The following HYCC2 variants were observed in gnomAD, a reference collection of about 807,000 sequenced individuals.
The protein encoded by HYCC2 is hyccin PI4KA lipid kinase complex subunit 2.
chr2:201,037,600 T>C, the HYCC2 span, among the ~76,000 whole-genome samples: 6 of 152,240 alleles, frequency 3.9e-5, no homozygotes, highest in South Asian at 2.1e-4. Flanking sequence ...TATCTACAAC[T>C]ATCTGATCTT....
At chr2:201,060,054 C>CGG in the HYCC2 span, among the ~76,000 whole-genome samples, 34 of 36,588 alleles carry the variant, frequency 9.3e-4, no homozygotes, top group Non-Finnish European at 1.2e-3. Flanking sequence ...AAAAAAAAAG[C>CGG]GGGGGGGGGG....
At chr2:201,033,011 T>A in the HYCC2 span, among the ~76,000 whole-genome samples, 5 of 152,040 alleles carry the variant, frequency 3.3e-5, no homozygotes, top group African/African-American at 1.2e-4. Flanking sequence ...TTTAGCTAAC[T>A]ACAAGGCATT....
At chr2:201,063,328 T>C in the HYCC2 span, 1 of 1,543,992 alleles carries the variant, frequency 6.5e-7, no homozygotes, top group Non-Finnish European at 8.8e-7. Flanking sequence ...AGAAGGTGGA[T>C]GGAAGAGTCG....
the HYCC2 span, among the ~76,000 whole-genome samples, chr2:201,005,743 C>T: frequency 6.6e-6 from 1 of 152,164 alleles, no homozygotes; most frequent in South Asian, 2.1e-4. Flanking sequence ...CAAACCTAAC[C>T]TCTCTCCAAG....
the HYCC2 span, among the ~76,000 whole-genome samples, chr2:201,016,577 G>A: frequency 6.6e-6 from 1 of 151,786 alleles, no homozygotes; most frequent in Non-Finnish European, 1.5e-5. Flanking sequence ...CACTACATCC[G>A]GCCTCAATTT....
the HYCC2 span, among the ~76,000 whole-genome samples, chr2:201,001,153 A>G: frequency 1.3e-5 from 2 of 151,566 alleles, no homozygotes; most frequent in East Asian, 1.9e-4. Flanking sequence ...AAAAAAAAAA[A>G]AAGAGATGGG....
At chr2:201,068,139 T>A in the HYCC2 span, among the ~76,000 whole-genome samples, 1 of 151,840 alleles carries the variant, frequency 6.6e-6, no homozygotes, top group Admixed American at 6.6e-5. Flanking sequence ...AATGCAAAAT[T>A]AGCCGGGCGT....
the HYCC2 span, among the ~76,000 whole-genome samples, chr2:201,042,604 CAGCCGCCCCGTCTGGGGG>C: frequency 6.6e-6 from 1 of 151,490 alleles, no homozygotes; most frequent in Non-Finnish European, 1.5e-5. Flanking sequence ...ATCCGCCCAG[CAGCCGCCCCGTCTGGGGG>C]AGCCCCTCCG....
chr2:201,059,940 G>A, the HYCC2 span, among the ~76,000 whole-genome samples: 1 of 151,882 alleles, frequency 6.6e-6, no homozygotes, highest in Non-Finnish European at 1.5e-5. Context: ...AGCTACTTGG[G>A]AGGCTGAGGT....
At chr2:201,011,521 C>T in the HYCC2 span, 36 of 1,029,370 alleles carry the variant, frequency 3.5e-5, no homozygotes, top group South Asian at 1.8e-4. Flanking sequence ...CAGATCTACA[C>T]GAAATAATAA....
At chr2:201,057,827 C>A in the HYCC2 span, among the ~76,000 whole-genome samples, 2 of 152,108 alleles carry the variant, frequency 1.3e-5, no homozygotes, top group African/African-American at 4.8e-5. Context: ...AAGGGAACTC[C>A]CAGTAGGCAA....
the HYCC2 span, among the ~76,000 whole-genome samples, chr2:201,037,771 C>T: frequency 1.3e-5 from 2 of 152,086 alleles, no homozygotes; most frequent in Non-Finnish European, 2.9e-5. Context: ...AAATGTTAGA[C>T]CTAAAACCAT....
chr2:201,069,872 G>A, the HYCC2 span, among the ~76,000 whole-genome samples: 1 of 152,020 alleles, frequency 6.6e-6, no homozygotes, highest in Non-Finnish European at 1.5e-5. Flanking sequence ...ATGAAATTTT[G>A]ATTTAGGTTC....
the HYCC2 span, among the ~76,000 whole-genome samples, chr2:201,038,853 C>A: frequency 6.6e-6 from 1 of 151,804 alleles, no homozygotes; most frequent in Non-Finnish European, 1.5e-5. Context: ...ACGTAACAAA[C>A]CTGCATGTTG....
the HYCC2 span, among the ~76,000 whole-genome samples, chr2:200,992,695 C>T: frequency 6.6e-6 from 1 of 151,990 alleles, no homozygotes; most frequent in Non-Finnish European, 1.5e-5. Flanking sequence ...TTCTAGACTC[C>T]AATTTTAATG....
chr2:200,990,564 G>A, the HYCC2 span, among the ~76,000 whole-genome samples: 168 of 150,762 alleles, frequency 1.1e-3, no homozygotes, highest in Non-Finnish European at 2.2e-3. Flanking sequence ...ACCACATCCC[G>A]CTAAATTTTT....
chr2:201,003,945 C>G, the HYCC2 span, among the ~76,000 whole-genome samples: 6 of 151,024 alleles, frequency 4.0e-5, no homozygotes, highest in Non-Finnish European at 8.8e-5. Flanking sequence ...TCCCGAGTAG[C>G]TAGGATTACA....
chr2:200,974,575 A>C, the HYCC2 span: 1 of 151,924 alleles, frequency 6.6e-6, no homozygotes, highest in African/African-American at 2.4e-5. Context: ...AAAAACAAAC[A>C]AACAAACCCC....
At chr2:201,033,717 T>G in the HYCC2 span, among the ~76,000 whole-genome samples, 2 of 150,228 alleles carry the variant, frequency 1.3e-5, no homozygotes, top group Non-Finnish European at 2.9e-5. Context: ...TTTTTTTTGT[T>G]GTATATAGAG....
Sources: gnomAD v4.1 joint callset for allele counts (sites outside exome capture counted in the v4.1 genomes callset) on GRCh38, gnomAD v4.1.1 for gene constraint, MANE v1.5 for transcripts, NCBI Gene and HGNC (gene_info 2026-07-23, HGNC 2026-07-21) for gene names.